EXOC6B: variants seen among roughly 807,000 people sequenced by gnomAD.
EXOC6B encodes SEC15 homolog B.
A neutral mutation model predicts 113.5 loss-of-function variants in EXOC6B; 54 were observed. The observed-to-expected ratio is 0.48, with a 90% CI of 0.38 to 0.60. The LOEUF is 0.60. Among genes scored for constraint, EXOC6B ranks in the 20% least tolerant of loss-of-function variants. The pLI, the probability that EXOC6B is intolerant of heterozygous loss-of-function variation, is 0.00. For synonymous variants in EXOC6B, 357 were observed against 339.0 expected (o/e 1.05, Z -0.58); for missense variants, 797 against 977.5 (o/e 0.82, Z 2.46).
chr2:72,664,511 A>C (rs910905236), intron 6 of EXOC6B, among the ~76,000 whole-genome samples: 2 of 152,130 alleles, frequency 1.3e-5, no homozygotes, highest in African/African-American at 4.8e-5. Flanking sequence ...TAACAGGGGG[A>C]TCTCCCTGGA....
chr2:72,220,400 GC>G (rs1393017213), intron 20 of EXOC6B, among the ~76,000 whole-genome samples: 3 of 152,082 alleles, frequency 2.0e-5, no homozygotes, highest in Middle Eastern at 3.2e-3. Context: ...GCCTCCTCAT[GC>G]CCCCTGGGGG....
intron 1 of EXOC6B, among the ~76,000 whole-genome samples, chr2:72,788,408 T>C (rs116268428): frequency 0.012 from 1,794 of 152,250 alleles, 32 homozygotes; most frequent in African/African-American, 0.041. Context: ...TTCTGGAAAG[T>C]GGGGTTCTTT....
chr2:72,555,745 C>G (rs1053161203), intron 8 of EXOC6B, among the ~76,000 whole-genome samples: 1 of 152,140 alleles, frequency 6.6e-6, no homozygotes, highest in African/African-American at 2.4e-5. Context: ...ATCCCAGATT[C>G]AAACAATTTT....
chr2:72,542,211 C>T (rs954459055), intron 8 of EXOC6B, among the ~76,000 whole-genome samples: 10 of 152,058 alleles, frequency 6.6e-5, no homozygotes, highest in Admixed American at 5.2e-4. Context: ...ATTATTTATT[C>T]AGCTCCTTCT....
chr2:72,406,288 GATCA>G (rs1164290718), intron 18 of EXOC6B, among the ~76,000 whole-genome samples: 2 of 152,062 alleles, frequency 1.3e-5, no homozygotes, highest in African/African-American at 4.8e-5. Context: ...ACATTAGACA[GATCA>G]ATGAGACAGA....
chr2:72,264,343 G>A (rs780065382), intron 20 of EXOC6B, among the ~76,000 whole-genome samples: 3 of 152,088 alleles, frequency 2.0e-5, no homozygotes, highest in Non-Finnish European at 4.4e-5. Flanking sequence ...GACCGAGGCG[G>A]GCAGATCACC....
At position 72,443,814 on chromosome 2, in the gene EXOC6B, T is replaced by A. The variant is rs949981235; in HGVS notation, c.1980+21346A>T. 2.6e-5 allele frequency among the ~76,000 whole-genome samples: 4 copies of A among 152,078 alleles called. No individual in the cohort carries two copies. In the East Asian group the frequency reaches 7.7e-4, roughly 29 times the overall value. On this transcript the variant is annotated intron_variant, in intron 18 of 21. Transcript: ENST00000272427. Reference sequence around the variant, plus strand: ...CATGATTCAGTTACCTCCTACTGGGTCCCTCCCACGACATGTGGGAATTAC... The same window carrying A: ...CATGATTCAGTTACCTCCTACTGGGACCCTCCCACGACATGTGGGAATTAC...
At chr2:72,582,469 A>T (rs1052358816) in intron 6 of EXOC6B, among the ~76,000 whole-genome samples, 2 of 152,068 alleles carry the variant, frequency 1.3e-5, no homozygotes, top group African/African-American at 2.4e-5. Flanking sequence ...GTAAGATGAG[A>T]TCATACCACT....
chr2:72,241,476 G>C (rs947286658), intron 20 of EXOC6B, among the ~76,000 whole-genome samples: 1 of 152,150 alleles, frequency 6.6e-6, no homozygotes, highest in Non-Finnish European at 1.5e-5. Context: ...TTTTCCTAGA[G>C]ATATCAAACC....
intron 1 of EXOC6B, among the ~76,000 whole-genome samples, chr2:72,756,079 G>A (rs1250897592): frequency 1.3e-5 from 2 of 152,060 alleles, no homozygotes; most frequent in Admixed American, 6.6e-5. Flanking sequence ...TAAGGGGGAC[G>A]TTTTTAACTG....
Position 72,595,210 on chromosome 2 carries a change from G to A in EXOC6B, c.670-19542C>T, listed in dbSNP as rs561193087. ...CAGGAGGCAGAGATTGCAGTGAGCC[G>A]AGATGGTGCCACTACACTCCAGCCT... On this transcript the variant is annotated intron_variant, in intron 6 of 21. Coordinates refer to ENST00000272427, the MANE Select transcript of EXOC6B (RefSeq NM_015189.3). Among the ~76,000 whole-genome samples the A allele has an allele frequency of 1.6e-3, 248 of 151,020 alleles. 2 individuals are homozygous for A. Among genetic ancestry groups the A allele is most frequent in the African/African-American group, 5.8e-3 (239 of 41,154 alleles).
chr2:72,208,189 A>G (rs1043669676), intron 20 of EXOC6B, among the ~76,000 whole-genome samples: 2 of 152,040 alleles, frequency 1.3e-5, no homozygotes. Flanking sequence ...TCACCCAGGT[A>G]GTGAGCACAG....
intron 6 of EXOC6B, among the ~76,000 whole-genome samples, chr2:72,640,783 G>A (rs2420565): frequency 0.89 from 135,152 of 152,194 alleles, 60,049 homozygotes; most frequent in East Asian, 0.99. Context: ...AGAAAAATCT[G>A]CCAAGCAAAT....
chr2:72,506,892 T>A (rs796959071), intron 11 of EXOC6B, among the ~76,000 whole-genome samples: 16 of 152,248 alleles, frequency 1.1e-4, no homozygotes, highest in African/African-American at 3.1e-4. Flanking sequence ...CATATTATCA[T>A]TAACAATCAT....
chr2:72,365,957 A>G (rs1312392864), intron 19 of EXOC6B, among the ~76,000 whole-genome samples: 1 of 152,152 alleles, frequency 6.6e-6, no homozygotes, highest in East Asian at 1.9e-4. Context: ...AATGAATCCA[A>G]TTGCAAATAA....
intron 18 of EXOC6B, among the ~76,000 whole-genome samples, chr2:72,426,521 G>T (rs1297777797): frequency 1.3e-5 from 2 of 152,120 alleles, no homozygotes; most frequent in African/African-American, 4.8e-5. Context: ...AAGTATATCT[G>T]CTATTTGTTA....
rs1558625759 is a variant in EXOC6B, at chr2:72,397,661, T to TAAAATAAAATAAAATAAA, written c.1981-17792_1981-17791insTTTATTTTATTTTATTTT. Among the ~76,000 whole-genome samples, 494 of 102,060 alleles carry TAAAATAAAATAAAATAAA rather than the reference T, an allele frequency of 4.8e-3. 18 individuals carry two copies. The highest frequency in any genetic ancestry group is 0.04 in the African/African-American group (466 of 11,652). The allele number at this position is 102,060 out of a possible 152,430, so 67.0% of individuals were successfully genotyped here. On this transcript the variant is annotated intron_variant, in intron 18 of 21. Coordinates refer to ENST00000272427, the MANE Select transcript of EXOC6B (RefSeq NM_015189.3). Reference sequence around the variant, plus strand: ...AAAATAAAATAAAATAAAATAAAATTATATATATATACACTCATATATTCA... The same window carrying TAAAATAAAATAAAATAAA: ...AAAATAAAATAAAATAAAATAAAATTAAAATAAAATAAAATAAAATATATATATACACTCATATATTCA...
chr2:72,382,624 G>T (rs1484180158), intron 18 of EXOC6B, among the ~76,000 whole-genome samples: 1 of 152,054 alleles, frequency 6.6e-6, no homozygotes, highest in Non-Finnish European at 1.5e-5. Flanking sequence ...GAGCAGTATC[G>T]CCATTTTAAC....
intron 6 of EXOC6B, among the ~76,000 whole-genome samples, chr2:72,584,694 C>G (rs1705439900): frequency 6.6e-6 from 1 of 152,152 alleles, no homozygotes; most frequent in South Asian, 2.1e-4. Context: ...ACCCATCAAC[C>G]ATGAATATAC....
Sources: allele counts gnomAD v4.1 joint callset (sites outside exome capture counted in the v4.1 genomes callset), GRCh38; gene constraint gnomAD v4.1.1; transcripts MANE v1.5; gene names NCBI Gene and HGNC (gene_info 2026-07-23, HGNC 2026-07-21).